DUSP16: variants seen among roughly 807,000 people sequenced by gnomAD.
DUSP16 encodes dual specificity phosphatase 16.
DUSP16 carries 21 observed loss-of-function variants against 58.3 expected under a neutral mutation model. The observed-to-expected ratio is 0.36, with a 90% CI of 0.26 to 0.52. DUSP16 has a LOEUF of 0.52. DUSP16 is among the 20% of genes least tolerant of loss of function. DUSP16 has a pLI of 0.94. For missense variants in DUSP16, 726 were observed against 819.0 expected, an observed-to-expected ratio of 0.89 and a Z score of 1.39; for synonymous variants, 320 against 323.8, an observed-to-expected ratio of 0.99 and a Z score of 0.12.
intron 4 of DUSP16, among the ~76,000 whole-genome samples, chr12:12,499,295 C>A (rs1943876035): frequency 6.6e-6 from 1 of 152,208 alleles, no homozygotes; most frequent in Non-Finnish European, 1.5e-5. Flanking sequence ...ATTTTGCTTT[C>A]TGTAACATAG....
intron 4 of DUSP16, among the ~76,000 whole-genome samples, chr12:12,493,846 T>C (rs373569224): frequency 1.3e-5 from 2 of 152,354 alleles, no homozygotes; most frequent in African/African-American, 4.8e-5. Context: ...TTACCCTGTT[T>C]TCTTCATAGC....
chr12:12,561,552 G>C (rs1944903771), intron 1 of DUSP16, among the ~76,000 whole-genome samples: 2 of 152,184 alleles, frequency 1.3e-5, no homozygotes, highest in African/African-American at 4.8e-5. Context: ...CCAACGCCAA[G>C]ACCCGAGCCC....
chr12:12,512,348 G>T (rs758373413), intron 3 of DUSP16, among the ~76,000 whole-genome samples: 15 of 152,148 alleles, frequency 9.9e-5, no homozygotes, highest in Non-Finnish European at 2.1e-4. Context: ...GAACACTTAA[G>T]ATCTACTCTT....
chr12:12,485,150 C>G (rs1239745624), intron 5 of DUSP16, among the ~76,000 whole-genome samples: 2 of 151,858 alleles, frequency 1.3e-5, no homozygotes, highest in African/African-American at 4.8e-5. Context: ...GCTGGGACTA[C>G]AGGCATGTGC....
At position 12,519,871 on chromosome 12, in the gene DUSP16, G is replaced by A. The variant is rs566506178; in HGVS notation, c.358C>T (p.Leu120=). ...KLEKSFNSVH[L]LAGGFAEFSR... ...CCATCACGAGCCTTACCTGCAAGCA[G>A]GTGAACAGAGTTGAAGCTCTTCTCC... The change falls in exon 3 of 7, where the codon CTG becomes TTG. Residue 120 remains leucine (L), a synonymous_variant. Transcript: ENST00000298573. 3.7e-6 allele frequency: 6 copies of A among 1,614,056 alleles called. No individual in the cohort carries two copies. The highest frequency in any genetic ancestry group is 1.1e-5 in the South Asian group (1 of 91,074).
Position 12,476,831 on chromosome 12 carries a change from TCTC to T in DUSP16, c.1997_*1del. 1 of 1,589,654 alleles carries T rather than the reference TCTC, an allele frequency of 6.3e-7. No individual in the cohort carries two copies. The highest frequency in any genetic ancestry group is 8.5e-7 in the Non-Finnish European group (1 of 1,171,806). On this transcript the variant is annotated stop_retained_variant and 3_prime_UTR_variant, in exon 7 of 7. Transcript: ENST00000298573. The stretch of plus-strand genomic sequence containing the variant: ...CTATAGAAGTCACAAGTGTCTTTCT[TCTC>T]AGGAGACCTCAATGATTTCCATGCT...
In DUSP16 at chr12:12,476,391, C is replaced by T; in HGVS notation, c.*442G>A. 1 of 156,408 alleles carries T rather than the reference C, an allele frequency of 6.4e-6. No individual in the cohort carries two copies. The highest frequency in any genetic ancestry group is 1.4e-5 in the Non-Finnish European group (1 of 70,770). The allele number at this position is 156,408 out of a possible 1,614,324, so 9.7% of individuals were successfully genotyped here. On this transcript the variant is annotated 3_prime_UTR_variant, in exon 7 of 7. Coordinates refer to ENST00000298573, the MANE Select transcript of DUSP16 (RefSeq NM_030640.3). ...ATTTACCACTAGGCTCTGTCCCTAA[C>T]AGGGTCTACCTACCTGACCCCCAAG...
At chr12:12,538,471 C>T (rs945334954) in intron 1 of DUSP16, among the ~76,000 whole-genome samples, 9 of 152,198 alleles carry the variant, frequency 5.9e-5, no homozygotes, top group African/African-American at 2.2e-4. Flanking sequence ...CAAAGTCACA[C>T]TATTCATCAG....
rs1943426913 is a variant in DUSP16 at position 12,476,073 on chromosome 12, G to A, written c.*760C>T. On this transcript the variant is annotated 3_prime_UTR_variant, in exon 7 of 7. Coordinates refer to ENST00000298573, the MANE Select transcript of DUSP16 (RefSeq NM_030640.3). ...GTTTCCCTTCTCTTCATAAAGCTGA[G>A]AAGAAAAAAAAATTATCTCCATCTA... The A allele has an allele frequency of 6.6e-6, 1 of 152,226 alleles. No homozygotes were observed. Among genetic ancestry groups the A allele is most frequent in the Non-Finnish European group, 1.5e-5 (1 of 67,956 alleles). The allele number at this position is 152,226 out of a possible 1,614,324, so 9.4% of individuals were successfully genotyped here. A position where few individuals can be genotyped will look rare whatever the true frequency, so the allele number is the denominator to read the frequency against.
In DUSP16 at chr12:12,476,950, G is replaced by A; in HGVS notation, c.1881C>T (p.Ser627=). 3 of 1,614,162 alleles carry A rather than the reference G, an allele frequency of 1.9e-6. No individual in the cohort carries two copies. Among genetic ancestry groups the A allele is most frequent in the Non-Finnish European group, 2.5e-6 (3 of 1,180,048 alleles). Residue 627 remains serine (S), a synonymous_variant, in exon 7 of 7, where the codon AGC becomes AGT. Transcript: ENST00000298573. ...SPFEKQFKRR[S]CQMEFGESIM... ...TGCTCTCTCCAAATTCCATTTGGCA[G>A]CTTCTGCGTTTAAACTGCTTTTCAA...
chr12:12,546,041 T>C (rs536367074), intron 1 of DUSP16, among the ~76,000 whole-genome samples: 55 of 152,332 alleles, frequency 3.6e-4, no homozygotes, highest in African/African-American at 1.3e-3. Context: ...CATGTACTTT[T>C]AGAAACCCAA....
chr12:12,521,389 T>C lies in DUSP16; in HGVS notation c.-291A>G. On this transcript the variant is annotated 5_prime_UTR_variant, in exon 2 of 7. Transcript: ENST00000298573. The stretch of plus-strand genomic sequence containing the variant: ...TAACCATTCCACAACAAAAGATGCT[T>C]TGGAGCAGCCAGCGCATTACATCAT... The C allele has an allele frequency of 3.9e-6, 5 of 1,290,490 alleles. No individual in the cohort carries two copies. The highest frequency in any genetic ancestry group is 4.9e-6 in the Non-Finnish European group (5 of 1,012,066). 79.9% of individuals were successfully genotyped at this position (1,290,490 alleles called of 1,614,324 possible).
At chr12:12,553,759 G>A (rs975849967) in intron 1 of DUSP16, among the ~76,000 whole-genome samples, 2 of 152,048 alleles carry the variant, frequency 1.3e-5, no homozygotes, top group Non-Finnish European at 2.9e-5. Context: ...GCCCAGGCTG[G>A]TCTACTCCTG....
At chr12:12,531,729 G>C (rs1431868159) in intron 1 of DUSP16, among the ~76,000 whole-genome samples, 1 of 152,120 alleles carries the variant, frequency 6.6e-6, no homozygotes, top group Non-Finnish European at 1.5e-5. Context: ...AAATTCACCA[G>C]ATGTGGTGGC....
chr12:12,525,130 C>A (rs1400326222), intron 1 of DUSP16, among the ~76,000 whole-genome samples: 1 of 152,122 alleles, frequency 6.6e-6, no homozygotes, highest in Non-Finnish European at 1.5e-5. Flanking sequence ...AGTATAGACA[C>A]TGTCTTGCAT....
At chr12:12,526,064 A>C (rs1566025868) in intron 1 of DUSP16, among the ~76,000 whole-genome samples, 1 of 152,226 alleles carries the variant, frequency 6.6e-6, no homozygotes, top group African/African-American at 2.4e-5. Context: ...AAAAAACTGC[A>C]AAGTATCCCA....
At chr12:12,539,752 A>T (rs575118069) in intron 1 of DUSP16, among the ~76,000 whole-genome samples, 174 of 23,056 alleles carry the variant, frequency 7.5e-3, no homozygotes, top group African/African-American at 0.047. Context: ...GCAGTTATTT[A>T]AAAAAAAAAA....
At chr12:12,543,615 T>C (rs1305513295) in intron 1 of DUSP16, among the ~76,000 whole-genome samples, 1 of 152,162 alleles carries the variant, frequency 6.6e-6, no homozygotes, top group Non-Finnish European at 1.5e-5. Flanking sequence ...TCAAAGTTAA[T>C]GAGTGATAAA....
At chr12:12,483,549 C>G (rs1041965881) in intron 5 of DUSP16, among the ~76,000 whole-genome samples, 1 of 152,090 alleles carries the variant, frequency 6.6e-6, no homozygotes, top group African/African-American at 2.4e-5. Flanking sequence ...CCAGGGTAGG[C>G]AGGACTCAAA....
Sources: gnomAD v4.1 joint callset for allele counts (sites outside exome capture counted in the v4.1 genomes callset) on GRCh38, gnomAD v4.1.1 for gene constraint, MANE v1.5 for transcripts, NCBI Gene and HGNC (gene_info 2026-07-23, HGNC 2026-07-21) for gene names.